The following PAK2 variants were observed in gnomAD, a reference collection of about 807,000 sequenced individuals.
PAK2 encodes serine/threonine-protein kinase PAK 2.
A neutral mutation model predicts 65.9 loss-of-function variants in PAK2; 21 were observed. That is an observed-to-expected ratio of 0.32 (90% CI 0.23 to 0.46). The LOEUF is 0.46. Ranked by LOEUF, PAK2 falls within the 20% of genes least tolerant of loss-of-function variation. The pLI is 1.00. For missense variants in PAK2, 324 were observed against 642.6 expected (o/e 0.50, Z 5.36); for synonymous variants, 204 against 219.7 (o/e 0.93, Z 0.63).
intron 7 of PAK2, among the ~76,000 whole-genome samples, chr3:196,808,358 C>G (rs570787903): frequency 6.6e-6 from 1 of 151,228 alleles, no homozygotes; most frequent in Non-Finnish European, 1.5e-5. Flanking sequence ...GTCAGGAGAT[C>G]GAGACCATCC....
chr3:196,825,314 C>A (rs564031111), intron 13 of PAK2, among the ~76,000 whole-genome samples: 5 of 151,830 alleles, frequency 3.3e-5, no homozygotes, highest in South Asian at 4.2e-4. Flanking sequence ...CCACTGCATT[C>A]CAGCCTGGGC....
At chr3:196,755,691 C>T in intron 1 of PAK2, among the ~76,000 whole-genome samples, 1 of 152,094 alleles carries the variant, frequency 6.6e-6, no homozygotes, top group East Asian at 1.9e-4. Flanking sequence ...TTCCTGACCT[C>T]AGGTGATCCG....
At position 196,815,449 on chromosome 3, in the gene PAK2, G is replaced by A. The variant is rs374706996; in HGVS notation, c.1053+881G>A. 1.5e-3 allele frequency among the ~76,000 whole-genome samples: 213 copies of A among 142,552 alleles called. 4 individuals carry two copies. In the South Asian group the frequency reaches 0.027, roughly 18 times the overall value. The allele number at this position is 142,552 out of a possible 152,430, so 93.5% of individuals were successfully genotyped here. A position where few individuals can be genotyped will look rare whatever the true frequency, so the allele number is the denominator to read the frequency against. ...AGACATTGCAGTGAGCCAAAATTGCGCCACCGCACTCCATCCTGGGCAACA... is the reference window on the plus strand; with the variant it reads ...AGACATTGCAGTGAGCCAAAATTGCACCACCGCACTCCATCCTGGGCAACA... On this transcript the variant is annotated intron_variant, in intron 11 of 14. Coordinates refer to ENST00000327134, the MANE Select transcript of PAK2 (RefSeq NM_002577.4).
intron 2 of PAK2, among the ~76,000 whole-genome samples, chr3:196,801,267 C>T (rs1456504872): frequency 6.6e-6 from 1 of 152,158 alleles, no homozygotes; most frequent in Non-Finnish European, 1.5e-5. Flanking sequence ...TTGCTGTCCA[C>T]ATTGCTCAGC....
intron 1 of PAK2, among the ~76,000 whole-genome samples, chr3:196,743,302 G>C (rs534221191): frequency 9.9e-5 from 15 of 152,230 alleles, no homozygotes; most frequent in African/African-American, 3.6e-4. Flanking sequence ...ATCCCATGTG[G>C]TTAGGAGCTA....
intron 1 of PAK2, among the ~76,000 whole-genome samples, chr3:196,749,548 AATGTC>A (rs1713500831): frequency 6.6e-6 from 1 of 152,132 alleles, no homozygotes; most frequent in South Asian, 2.1e-4. Flanking sequence ...TCTTTGAAAA[AATGTC>A]TATTCAAGTG....
chr3:196,783,570 A>C (rs1368113561), intron 2 of PAK2, among the ~76,000 whole-genome samples: 3 of 137,230 alleles, frequency 2.2e-5, no homozygotes, highest in Admixed American at 1.6e-4. Context: ...GAACAGGGTG[A>C]GACTCTCTCA....
chr3:196,763,417 T>C (rs1030701022), intron 1 of PAK2, among the ~76,000 whole-genome samples: 3 of 152,116 alleles, frequency 2.0e-5, no homozygotes, highest in Non-Finnish European at 4.4e-5. Flanking sequence ...CTGTGATGTC[T>C]CTCCAGCGCC....
intron 2 of PAK2, among the ~76,000 whole-genome samples, chr3:196,787,862 G>C (rs1474121559): frequency 6.6e-6 from 1 of 152,212 alleles, no homozygotes; most frequent in Non-Finnish European, 1.5e-5. Flanking sequence ...CAGTCACTGG[G>C]GCCCAGCTTT....
chr3:196,818,770 G>T lies in PAK2; in HGVS notation c.1153+614G>T, dbSNP rs143062994. ...TTTTGGATGACATTTTTTTTTTCTG[G>T]CTCTGCCATTTACTAAGTGAATAAC... On this transcript the variant is annotated intron_variant, in intron 12 of 14. Transcript: ENST00000327134. 5.5e-3 allele frequency among the ~76,000 whole-genome samples: 831 copies of T among 151,824 alleles called. 5 individuals carry two copies. The highest frequency in any genetic ancestry group is 9.0e-3 in the Non-Finnish European group (608 of 67,918).
At chr3:196,812,875 AC>A in intron 10 of PAK2, 24 bp downstream of exon 10, 1 of 992,784 alleles carries the variant, frequency 1.0e-6, no homozygotes, top group Non-Finnish European at 1.6e-6. Flanking sequence ...TTCCTTAAAC[AC>A]CGGGAGAAAA....
chr3:196,771,280 G>A (rs1415039640), intron 1 of PAK2, among the ~76,000 whole-genome samples: 1 of 151,940 alleles, frequency 6.6e-6, no homozygotes, highest in Non-Finnish European at 1.5e-5. Context: ...TTCAATTACT[G>A]CTTCTGTGAA....
intron 1 of PAK2, among the ~76,000 whole-genome samples, chr3:196,775,257 T>A (rs772991448): frequency 6.6e-6 from 1 of 152,254 alleles, no homozygotes; most frequent in Non-Finnish European, 1.5e-5. Context: ...AGCATGATAG[T>A]GTGTAGTCAC....
chr3:196,805,823 C>T (rs973373391), intron 5 of PAK2, among the ~76,000 whole-genome samples: 1 of 151,712 alleles, frequency 6.6e-6, no homozygotes, highest in South Asian at 2.1e-4. Flanking sequence ...TGGAAACAGT[C>T]GTTTTATTTG....
intron 1 of PAK2, among the ~76,000 whole-genome samples, chr3:196,779,703 C>T (rs1433007391): frequency 6.6e-6 from 1 of 152,132 alleles, no homozygotes; most frequent in East Asian, 1.9e-4. Flanking sequence ...GATGATGTCT[C>T]ACTCTGTTAC....
intron 2 of PAK2, among the ~76,000 whole-genome samples, chr3:196,797,601 A>C (rs1715297117): frequency 6.6e-6 from 1 of 151,804 alleles, no homozygotes; most frequent in Admixed American, 6.6e-5. Context: ...AAAATACAAA[A>C]ATTAGCCAGG....
Position 196,803,066 on chromosome 3 carries a change from A to T in PAK2, c.338A>T (p.Lys113Ile). ...ARLLQTSNIT[K>I]LEQKKNPQAV... ...TTACTACAGACCTCCAATATCACCA[A>T]ACTAGAGCAAAAGAAGAATCCTCAG... Residue 113 changes from lysine (K) to isoleucine (I), a missense_variant, in exon 4 of 15, where the codon AAA becomes ATA. Physicochemically the swap from Lys to Ile is moderately radical, Grantham distance 102. Transcript: ENST00000327134. 6.2e-7 allele frequency: 1 copy of T among 1,612,600 alleles called. No individual in the cohort carries two copies. The highest frequency in any genetic ancestry group is 8.5e-7 in the Non-Finnish European group (1 of 1,178,996).
chr3:196,744,684 A>G (rs1267808207), intron 1 of PAK2, among the ~76,000 whole-genome samples: 1 of 152,248 alleles, frequency 6.6e-6, no homozygotes, highest in Admixed American at 6.5e-5. Context: ...ATTTTAAAAT[A>G]AAAAATCTGA....
At position 196,793,552 on chromosome 3, in the gene PAK2, AC is replaced by A. The variant is rs939677828; in HGVS notation, c.188-8372del. ...CAGGATCACCCGACATTTATGAAAA[AC>A]CCTTTATAAATGAGAGGGAGAGTCC... is the stretch of plus-strand genomic sequence containing the variant. On this transcript the variant is annotated intron_variant, in intron 2 of 14. Transcript: ENST00000327134. Among the ~76,000 whole-genome samples the A allele has an allele frequency of 2.6e-5, 4 of 152,090 alleles. No individual in the cohort carries two copies. The East Asian group carries it at 7.7e-4, about 29-fold the overall frequency.
Sources: allele counts gnomAD v4.1 joint callset (sites outside exome capture counted in the v4.1 genomes callset), GRCh38; gene constraint gnomAD v4.1.1; transcripts MANE v1.5; gene names NCBI Gene and HGNC (gene_info 2026-07-23, HGNC 2026-07-21).